The following GLIS1 variants were observed in gnomAD, a reference collection of about 807,000 sequenced individuals.
GLIS1 encodes zinc finger protein GLIS1.
GLIS1 carries 24 observed loss-of-function variants against 63.8 expected under a neutral mutation model. That is an observed-to-expected ratio of 0.38 (90% confidence interval 0.27 to 0.53). GLIS1 has a LOEUF of 0.53. Among genes scored for constraint, GLIS1 ranks in the 20% least tolerant of loss-of-function variants. GLIS1 has a pLI of 0.85. For synonymous variants in GLIS1, 450 were observed against 482.5 expected, an observed-to-expected ratio of 0.93 and a Z score of 0.88; for missense variants, 1,036 against 1,074.1, an observed-to-expected ratio of 0.96 and a Z score of 0.50.
At chr1:53,506,821 T>C (rs773528829) in intron 10 of GLIS1, 45 bp from the exon 11 acceptor site, 2 of 1,571,886 alleles carry the variant, frequency 1.3e-6, no homozygotes, top group South Asian at 2.3e-5. Flanking sequence ...CAGCAGGGGC[T>C]GTGCCTGCGC....
In GLIS1 at chr1:53,636,211, T is replaced by C. The variant is rs577994037; in HGVS notation, c.260-35933A>G. Among the ~76,000 whole-genome samples, 27 of 152,160 alleles carry C rather than the reference T, an allele frequency of 1.8e-4. 1 individual carries two copies. The South Asian group carries it at 5.6e-3, about 32-fold the overall frequency. On this transcript the variant is annotated intron_variant, in intron 2 of 10. Coordinates refer to ENST00000628545, the MANE Select transcript of GLIS1 (RefSeq NM_001367484.1). The stretch of plus-strand genomic sequence containing the variant: ...AAATTCTAAATAAAATATTAACAAA[T>C]GAAACCCAATAGCATAAAAACAGGA...
At chr1:53,554,891 C>T (rs1644801528) in intron 4 of GLIS1, among the ~76,000 whole-genome samples, 1 of 152,140 alleles carries the variant, frequency 6.6e-6, no homozygotes. Flanking sequence ...TCCATCAGGG[C>T]GTGTGAGGTG....
chr1:53,514,461 A>G (rs997836801), intron 8 of GLIS1, among the ~76,000 whole-genome samples, 164 bp downstream of exon 8: 35 of 152,160 alleles, frequency 2.3e-4, no homozygotes, highest in African/African-American at 8.4e-4. Flanking sequence ...GGAATCATGC[A>G]CACAAAGTGT....
chr1:53,704,853 A>G (rs1646561218), intron 2 of GLIS1, among the ~76,000 whole-genome samples: 1 of 152,184 alleles, frequency 6.6e-6, no homozygotes, highest in Non-Finnish European at 1.5e-5. Context: ...CCTCCACATG[A>G]GGCATGATGG....
At chr1:53,628,078 G>A (rs940957212) in intron 2 of GLIS1, among the ~76,000 whole-genome samples, 1 of 152,184 alleles carries the variant, frequency 6.6e-6, no homozygotes, top group African/African-American at 2.4e-5. Flanking sequence ...CAGCCCTGAG[G>A]GGCCAGTCCC....
intron 2 of GLIS1, among the ~76,000 whole-genome samples, chr1:53,673,490 C>T (rs1232222883): frequency 1.3e-5 from 2 of 152,240 alleles, no homozygotes; most frequent in African/African-American, 4.8e-5. Flanking sequence ...CAAGTCACCT[C>T]CTTCGGAAAG....
chr1:53,645,346 A>T (rs1645833141), intron 2 of GLIS1, among the ~76,000 whole-genome samples: 2 of 152,150 alleles, frequency 1.3e-5, no homozygotes, highest in Non-Finnish European at 2.9e-5. Flanking sequence ...ACCAAATGAC[A>T]CACTGTATAT....
In GLIS1 at chr1:53,735,365, T is replaced by C. The variant is rs150536689; in HGVS notation, c.259+2441A>G. Among the ~76,000 whole-genome samples the C allele has an allele frequency of 5.8e-4, 89 of 152,338 alleles. 1 individual carries two copies. Among genetic ancestry groups the C allele is most frequent in the African/African-American group, 2.0e-3 (84 of 41,584 alleles). ...TGCCTCCTTCTACCTTTTTAGCTTA[T>C]AAGGCATTCTTACAACTCTTGTTTT... On this transcript the variant is annotated intron_variant, in intron 2 of 10. Coordinates refer to ENST00000628545, the MANE Select transcript of GLIS1 (RefSeq NM_001367484.1).
intron 7 of GLIS1, among the ~76,000 whole-genome samples, chr1:53,516,065 G>T (rs1644349752): frequency 6.6e-6 from 1 of 152,164 alleles, no homozygotes; most frequent in Non-Finnish European, 1.5e-5. Context: ...TGACCTGGGG[G>T]CTAGCCCGGG....
rs551262905 is a variant in GLIS1, at chr1:53,602,630, A to G, written c.260-2352T>C. ...AAGCCCTCACTCATCAAGACCTTCA[A>G]GGGTCCATCCCTGTGGGGCAGGGGC... On this transcript the variant is annotated intron_variant, in intron 2 of 10. Coordinates refer to ENST00000628545, the MANE Select transcript of GLIS1 (RefSeq NM_001367484.1). Among the ~76,000 whole-genome samples the G allele has an allele frequency of 2.0e-5, 3 of 152,302 alleles. No homozygotes were observed. In the South Asian group the frequency reaches 6.2e-4, roughly 32 times the overall value.
At chr1:53,673,454 A>G (rs148010855) in intron 2 of GLIS1, among the ~76,000 whole-genome samples, 2 of 152,334 alleles carry the variant, frequency 1.3e-5, no homozygotes, top group African/African-American at 4.8e-5. Context: ...AGCCCTGACT[A>G]CGCTCAGCAG....
chr1:53,542,359 G>A (rs61770264), intron 4 of GLIS1, among the ~76,000 whole-genome samples: 25,399 of 152,302 alleles, frequency 0.17, 2,574 homozygotes, highest in Middle Eastern at 0.24. Flanking sequence ...CTCTGGACAC[G>A]GATGAGTCAC....
rs1019082615 is a variant in GLIS1, at chr1:53,642,910, G to C, written c.260-42632C>G. On this transcript the variant is annotated intron_variant, in intron 2 of 10. Transcript: ENST00000628545. ...CTCTCTGTCCCCAGTGCCCAGTGCA[G>C]GCCTGGCACCAAGTAGGCAATTCAG... Among the ~76,000 whole-genome samples, 12 of 152,192 alleles carry C rather than the reference G, an allele frequency of 7.9e-5. No homozygotes were observed. The East Asian group carries it at 2.3e-3, about 29-fold the overall frequency.
At chr1:53,579,176 C>A (rs1003146014) in intron 4 of GLIS1, among the ~76,000 whole-genome samples, 1 of 152,108 alleles carries the variant, frequency 6.6e-6, no homozygotes, top group Non-Finnish European at 1.5e-5. Flanking sequence ...GAGGAAAGGG[C>A]CCAAAGGCAG....
chr1:53,559,471 C>CCGAG (rs1644863783), intron 4 of GLIS1, among the ~76,000 whole-genome samples: 1 of 152,224 alleles, frequency 6.6e-6, no homozygotes, highest in African/African-American at 2.4e-5. Flanking sequence ...GCCCATCCTT[C>CCGAG]CGAGCCTGCT....
Position 53,646,975 on chromosome 1 carries a change from G to GAAGGAAAGGAAGGAAAGA in GLIS1, c.260-46698_260-46697insTCTTTCCTTCCTTTCCTT. Among the ~76,000 whole-genome samples, 1 of 150,244 alleles carries GAAGGAAAGGAAGGAAAGA rather than the reference G, an allele frequency of 6.7e-6. No individual in the cohort carries two copies. Among genetic ancestry groups the GAAGGAAAGGAAGGAAAGA allele is most frequent in the South Asian group, 2.1e-4 (1 of 4,684 alleles). On this transcript the variant is annotated intron_variant, in intron 2 of 10. Coordinates refer to ENST00000628545, the MANE Select transcript of GLIS1 (RefSeq NM_001367484.1). This position sits in a 1 kb window ranked among gnomAD's most constrained non-coding sequence, Gnocchi z 4.2. ...GGGAAGGGAAGGAAAGGAAGGAAAGGAAGGAAAGGAAGGAAAGGAAGGAAG... is the reference window on the plus strand; with the variant it reads ...GGGAAGGGAAGGAAAGGAAGGAAAGGAAGGAAAGGAAGGAAAGAAAGGAAAGGAAGGAAAGGAAGGAAG...
rs967976035 is a variant in GLIS1, at chr1:53,565,838, A to T, written c.1320+28270T>A. 3.9e-5 allele frequency among the ~76,000 whole-genome samples: 6 copies of T among 152,192 alleles called. No homozygotes were observed. The East Asian group carries it at 9.6e-4, about 24-fold the overall frequency. On this transcript the variant is annotated intron_variant, in intron 4 of 10. Transcript: ENST00000628545. ...AAAAAAAAGGGATACTCCCAAACTC[A>T]CTCCATAAGACCAATAAAACCCCAA...
chr1:53,589,767 T>C (rs1645170414), intron 4 of GLIS1, among the ~76,000 whole-genome samples: 1 of 152,152 alleles, frequency 6.6e-6, no homozygotes, highest in South Asian at 2.1e-4. Context: ...AGGACACGCA[T>C]GGGCCTCCTA....
intron 2 of GLIS1, among the ~76,000 whole-genome samples, chr1:53,648,760 T>C (rs978971985): frequency 6.0e-4 from 91 of 152,122 alleles, no homozygotes; most frequent in African/African-American, 2.1e-3. Context: ...ATCCCAGCCA[T>C]ATCGAGTTCA....
Sources: gnomAD v4.1 joint callset for allele counts (sites outside exome capture counted in the v4.1 genomes callset) on GRCh38, gnomAD v4.1.1 for gene constraint, Gnocchi (gnomAD v3.1) non-coding constraint, MANE v1.5 for transcripts, NCBI Gene and HGNC (gene_info 2026-07-23, HGNC 2026-07-21) for gene names.